Variants in KPNA1 observed in about 807,000 individuals in gnomAD.
KPNA1 encodes the protein karyopherin subunit alpha 1.
A neutral mutation model predicts 70.5 loss-of-function variants in KPNA1; 10 were observed. That is an observed-to-expected ratio of 0.14 (90% CI 0.09 to 0.24). The LOEUF (loss-of-function observed/expected upper bound fraction) is 0.24. Among genes scored for constraint, KPNA1 ranks in the 10% least tolerant of loss-of-function variants. The pLI is 1.00. For missense variants in KPNA1, 397 were observed against 637.9 expected (o/e 0.62, Z 4.07); for synonymous variants, 192 against 221.9 (o/e 0.87, Z 1.20).
chr3:122,429,843 C>A (rs1220699507), intron 12 of KPNA1, among the ~76,000 whole-genome samples: 1 of 152,124 alleles, frequency 6.6e-6, no homozygotes, highest in Non-Finnish European at 1.5e-5. Context: ...AACAAAAAAC[C>A]AGTGGAACAA....
At chr3:122,460,069 A>G in intron 5 of KPNA1, 1 of 985,404 alleles carries the variant, frequency 1.0e-6, no homozygotes, top group South Asian at 4.7e-5. Flanking sequence ...TAGAAAGATA[A>G]TCCCATTTTG....
chr3:122,488,221 T>C (rs944105401), intron 2 of KPNA1, among the ~76,000 whole-genome samples: 1 of 152,144 alleles, frequency 6.6e-6, no homozygotes, highest in Non-Finnish European at 1.5e-5. Context: ...ATTTTTAAGT[T>C]TAAAAATCTT....
intron 2 of KPNA1, among the ~76,000 whole-genome samples, chr3:122,470,684 T>C (rs2076431829): frequency 6.6e-6 from 1 of 152,054 alleles, no homozygotes; most frequent in African/African-American, 2.4e-5. Context: ...TTTGAGGTAG[T>C]TGTAAATATA....
At chr3:122,510,668 C>A (rs28434553) in intron 1 of KPNA1, among the ~76,000 whole-genome samples, 23,054 of 151,756 alleles carry the variant, frequency 0.15, 1,842 homozygotes, top group East Asian at 0.32. Context: ...CTTGCTTAGA[C>A]GAAAGCCAAT....
At chr3:122,500,109 G>GT (rs199938248) in intron 1 of KPNA1, among the ~76,000 whole-genome samples, 5 of 151,776 alleles carry the variant, frequency 3.3e-5, no homozygotes, top group African/African-American at 7.3e-5. Flanking sequence ...GGATACAACT[G>GT]TTTTTTTGTT....
intron 6 of KPNA1, 34 bp downstream of exon 6, chr3:122,453,834 CTT>C (rs752872243): frequency 1.9e-6 from 3 of 1,572,768 alleles, no homozygotes; most frequent in Admixed American, 1.9e-5. Flanking sequence ...CAGCCAAAAA[CTT>C]TCTTTCACCT....
chr3:122,514,832 C>T lies in KPNA1; in HGVS notation c.-81G>A, dbSNP rs1412982862. 6.5e-6 allele frequency: 1 copy of T among 153,204 alleles called. No individual in the cohort carries two copies. Among genetic ancestry groups the T allele is most frequent in the Non-Finnish European group, 1.5e-5 (1 of 68,858 alleles). The allele number at this position is 153,204 out of a possible 1,614,324, so 9.5% of individuals were successfully genotyped here. On this transcript the variant is annotated 5_prime_UTR_variant, in exon 1 of 14. Coordinates refer to ENST00000344337, the MANE Select transcript of KPNA1 (RefSeq NM_002264.4). ...TCGCCCGCCCGCCGTGCCACTCCCG[C>T]GCACAACCTCGAAGAGCTGGCCCGC...
At chr3:122,462,312 A>G (rs1378377500) in intron 4 of KPNA1, among the ~76,000 whole-genome samples, 3 of 152,174 alleles carry the variant, frequency 2.0e-5, no homozygotes, top group African/African-American at 7.2e-5. Flanking sequence ...CACAAACAAA[A>G]CCTAACAACA....
At chr3:122,473,164 A>G (rs2076461710) in intron 2 of KPNA1, among the ~76,000 whole-genome samples, 1 of 152,194 alleles carries the variant, frequency 6.6e-6, no homozygotes, top group African/African-American at 2.4e-5. Context: ...CACTTCCCTG[A>G]AAGCCACAAA....
rs2076569436 is a variant in KPNA1, at chr3:122,481,418, CAA to C, written c.130-13991_130-13990del. Among the ~76,000 whole-genome samples the C allele has an allele frequency of 2.6e-5, 4 of 152,278 alleles. No homozygotes were observed. The East Asian group carries it at 7.7e-4, about 29-fold the overall frequency. ...TCTACTAAGTTAAAGAAACCAATCA[CAA>C]AAGACCACATATACTGTATGATTCC... On this transcript the variant is annotated intron_variant, in intron 2 of 13. Transcript: ENST00000344337.
intron 11 of KPNA1, among the ~76,000 whole-genome samples, chr3:122,435,626 T>C (rs1001446948): frequency 6.6e-6 from 1 of 152,188 alleles, no homozygotes; most frequent in Non-Finnish European, 1.5e-5. Flanking sequence ...AGGACATAAA[T>C]TGTGAAGATT....
intron 12 of KPNA1, among the ~76,000 whole-genome samples, chr3:122,429,703 ATTCTAAAGTT>A (rs937158313): frequency 6.6e-6 from 1 of 152,204 alleles, no homozygotes; most frequent in Non-Finnish European, 1.5e-5. Context: ...CAACAAACTG[ATTCTAAAGTT>A]TATATGGGAA....
At chr3:122,461,855 C>T (rs187802321) in intron 4 of KPNA1, among the ~76,000 whole-genome samples, 1 of 152,266 alleles carries the variant, frequency 6.6e-6, no homozygotes, top group African/African-American at 2.4e-5. Context: ...AATGATGTCA[C>T]TCAATAAAAA....
At chr3:122,436,575 A>G (rs1229799409) in intron 11 of KPNA1, among the ~76,000 whole-genome samples, 1 of 152,218 alleles carries the variant, frequency 6.6e-6, no homozygotes, top group Non-Finnish European at 1.5e-5. Flanking sequence ...AAGAACCTAC[A>G]TGAAACACTG....
At chr3:122,459,459 T>C in intron 5 of KPNA1, 5 of 985,412 alleles carry the variant, frequency 5.1e-6, no homozygotes, top group Non-Finnish European at 6.0e-6. Context: ...CTACAAAGCA[T>C]TTCAAATGAT....
intron 8 of KPNA1, among the ~76,000 whole-genome samples, chr3:122,450,222 A>G (rs777866312): frequency 1.3e-4 from 20 of 152,244 alleles, no homozygotes; most frequent in Non-Finnish European, 2.4e-4. Context: ...AAATCCCATC[A>G]AAAAGTGGGC....
At chr3:122,474,812 T>G (rs868598698) in intron 2 of KPNA1, among the ~76,000 whole-genome samples, 23 of 152,232 alleles carry the variant, frequency 1.5e-4, no homozygotes, top group Middle Eastern at 3.4e-3. Context: ...TTCAACATCC[T>G]TTCATAAAAA....
intron 2 of KPNA1, among the ~76,000 whole-genome samples, chr3:122,476,087 G>A (rs988894869): frequency 1.3e-5 from 2 of 152,076 alleles, no homozygotes; most frequent in African/African-American, 4.8e-5. Context: ...GCATGAAAAC[G>A]AACACATAAA....
intron 1 of KPNA1, among the ~76,000 whole-genome samples, chr3:122,502,010 T>C (rs1437123009): frequency 6.6e-6 from 1 of 152,224 alleles, no homozygotes; most frequent in Non-Finnish European, 1.5e-5. Flanking sequence ...AATAATTACA[T>C]ATACGAACAT....
Sources: gnomAD v4.1 joint callset for allele counts (sites outside exome capture counted in the v4.1 genomes callset) on GRCh38, gnomAD v4.1.1 for gene constraint, MANE v1.5 for transcripts, NCBI Gene and HGNC (gene_info 2026-07-23, HGNC 2026-07-21) for gene names.